AHI1: variants seen among roughly 807,000 people sequenced by gnomAD.
The protein encoded by AHI1 is jouberin.
Under a neutral mutation model 149.3 loss-of-function variants are expected in AHI1, and 123 were observed. The ratio of observed to expected loss-of-function variants is 0.82; its 90% CI spans 0.71 to 0.96. AHI1 has a LOEUF of 0.96. Among genes scored for constraint, AHI1 ranks in the 40% least tolerant of loss-of-function variants. The pLI is 0.00. For synonymous variants in AHI1, 475 were observed against 459.8 expected, an observed-to-expected ratio of 1.03 and a Z score of -0.42; for missense variants, 1,439 against 1,422.7, an observed-to-expected ratio of 1.01 and a Z score of -0.18.
chr6:135,383,224 C>T (rs1279388439), intron 23 of AHI1, among the ~76,000 whole-genome samples: 44 of 60,732 alleles, frequency 7.2e-4, no homozygotes, highest in Admixed American at 2.9e-3. Context: ...CTTCCCCCCT[C>T]CCTTTTTTTT....
intron 24 of AHI1, among the ~76,000 whole-genome samples, chr6:135,331,123 C>G (rs546140849): frequency 6.6e-6 from 1 of 152,052 alleles, no homozygotes; most frequent in African/African-American, 2.4e-5. Context: ...TTTCTTGCAC[C>G]CTGTGGTTTG....
At chr6:135,429,513 A>ATACTAATC (rs749833911) in intron 18 of AHI1, among the ~76,000 whole-genome samples, 1 of 151,780 alleles carries the variant, frequency 6.6e-6, no homozygotes, top group Non-Finnish European at 1.5e-5. Flanking sequence ...CTAATGCTGT[A>ATACTAATC]ACAGTATCAT....
At chr6:135,467,529 T>A in intron 6 of AHI1, 52 bp downstream of exon 6, 2 of 1,453,304 alleles carry the variant, frequency 1.4e-6, no homozygotes, top group Non-Finnish European at 9.7e-7. Context: ...CTCAATTTGT[T>A]TTTAGTGACT....
At chr6:135,472,181 T>G (rs1368438494) in intron 5 of AHI1, among the ~76,000 whole-genome samples, 2 of 152,142 alleles carry the variant, frequency 1.3e-5, no homozygotes, top group African/African-American at 4.8e-5. Context: ...CATGTCCTGT[T>G]ACACAGTCAA....
rs560424370 is a variant in AHI1 at position 135,465,981 on chromosome 6, G to C, written c.582C>G (p.Cys194Trp). 6.8e-6 allele frequency: 11 copies of C among 1,613,624 alleles called. No homozygotes were observed. Among genetic ancestry groups the C allele is most frequent in the Non-Finnish European group, 9.3e-6 (11 of 1,179,780 alleles). ...EDEELMQAYQ[C>W]HVTEEMAKEI... ...CCTTTGCCATTTCTTCAGTTACATGGCACTGATATGCTTGCATCAATTCTT... is the reference window on the plus strand; with the variant it reads ...CCTTTGCCATTTCTTCAGTTACATGCCACTGATATGCTTGCATCAATTCTT... Residue 194 changes from cysteine to tryptophan, a missense_variant, in exon 7 of 29, where the codon TGC becomes TGG. By Grantham distance (215) the Cys-to-Trp change is radical. Transcript: ENST00000265602.
At chr6:135,431,999 CTT>C (rs199839132) in intron 16 of AHI1, among the ~76,000 whole-genome samples, 103,720 of 132,950 alleles carry the variant, frequency 0.78, 41,574 homozygotes, top group South Asian at 0.89. Context: ...GACCAATTTC[CTT>C]TTTTTTTTTT....
intron 27 of AHI1, among the ~76,000 whole-genome samples, chr6:135,293,750 G>T (rs9494213): frequency 0.057 from 8,609 of 152,204 alleles, 443 homozygotes; most frequent in African/African-American, 0.13. Context: ...TAAATGCAAA[G>T]ATATATCATG....
Position 135,427,264 on chromosome 6 carries a change from G to A in AHI1, c.2667C>T (p.Pro889=), listed in dbSNP as rs1444747096. 1.2e-6 allele frequency: 2 copies of A among 1,610,218 alleles called. No homozygotes were observed. The highest frequency in any genetic ancestry group is 1.7e-6 in the Non-Finnish European group (2 of 1,177,528). The part of the protein sequence containing the change: ...AMYSDLPFKS[P]IRDISYHPFE... ...ATGGATGATAAGAAATGTCTCGAAT[G>A]GGTGACTTGAATGGCAAGTCAGAAT... The change falls in exon 20 of 29, where the codon CCC becomes CCT. Residue 889 remains proline (P), a synonymous_variant. Coordinates refer to ENST00000265602, the MANE Select transcript of AHI1 (RefSeq NM_001134831.2).
intron 20 of AHI1, among the ~76,000 whole-genome samples, chr6:135,425,212 T>A (rs1037073522): frequency 1.3e-5 from 2 of 151,972 alleles, no homozygotes; most frequent in African/African-American, 4.8e-5. Flanking sequence ...ATAATTTAAA[T>A]TTAATGTGTC....
At chr6:135,399,423 T>C (rs576650103) in intron 22 of AHI1, among the ~76,000 whole-genome samples, 1 of 152,254 alleles carries the variant, frequency 6.6e-6, no homozygotes, top group Non-Finnish European at 1.5e-5. Flanking sequence ...GTCTCCATGA[T>C]AAAACTAAAT....
In AHI1 at chr6:135,497,239, A is replaced by T. The variant is rs1796093304; in HGVS notation, c.-191T>A. 1 of 152,372 alleles carries T rather than the reference A, an allele frequency of 6.6e-6. No homozygotes were observed. Among genetic ancestry groups the T allele is most frequent in the Middle Eastern group, 3.4e-3 (1 of 294 alleles). The allele number at this position is 152,372 out of a possible 1,614,324, so 9.4% of individuals were successfully genotyped here. The stretch of plus-strand genomic sequence containing the variant: ...TTTGACAGGTTGAAGATTCAGCCCC[A>T]GGTTGACACTCTAAAAGGAAATAAA... On this transcript the variant is annotated 5_prime_UTR_variant, in exon 2 of 29. Transcript: ENST00000265602.
At chr6:135,486,088 T>C (rs535983081) in intron 5 of AHI1, among the ~76,000 whole-genome samples, 1 of 152,350 alleles carries the variant, frequency 6.6e-6, no homozygotes, top group East Asian at 1.9e-4. Flanking sequence ...GCAACAAATA[T>C]GGACAAATAC....
chr6:135,379,925 C>T (rs533414157), intron 23 of AHI1, among the ~76,000 whole-genome samples: 3 of 137,542 alleles, frequency 2.2e-5, no homozygotes, highest in South Asian at 5.4e-4. Flanking sequence ...TCCTTCCTCC[C>T]TCCCTCCCCC....
At chr6:135,294,541 C>A (rs934302134) in intron 27 of AHI1, among the ~76,000 whole-genome samples, 1 of 149,824 alleles carries the variant, frequency 6.7e-6, no homozygotes, top group Non-Finnish European at 1.5e-5. Context: ...ACCCTCCCCC[C>A]AAAAAAAACC....
chr6:135,435,704 G>A (rs1785295594), intron 15 of AHI1, among the ~76,000 whole-genome samples: 1 of 152,148 alleles, frequency 6.6e-6, no homozygotes, highest in Non-Finnish European at 1.5e-5. Flanking sequence ...ATGAAAGATA[G>A]TTATGGAAAG....
intron 24 of AHI1, among the ~76,000 whole-genome samples, chr6:135,351,561 C>T (rs936243457): frequency 6.6e-6 from 1 of 152,186 alleles, no homozygotes; most frequent in South Asian, 2.1e-4. Flanking sequence ...TTCTTTACTT[C>T]TAACATTGCT....
At chr6:135,413,573 G>T (rs562667306) in intron 20 of AHI1, among the ~76,000 whole-genome samples, 1 of 152,058 alleles carries the variant, frequency 6.6e-6, no homozygotes, top group Non-Finnish European at 1.5e-5. Context: ...ATTTAAGGAG[G>T]TTCTCACTCT....
intron 5 of AHI1, among the ~76,000 whole-genome samples, chr6:135,484,219 T>G (rs1794148021): frequency 6.6e-6 from 1 of 152,132 alleles, no homozygotes; most frequent in African/African-American, 2.4e-5. Flanking sequence ...TCCCATTGAG[T>G]TCCTCCCATG....
intron 11 of AHI1, 66 bp from the exon 12 acceptor site, chr6:135,448,541 G>C (rs1176190885): frequency 8.3e-7 from 1 of 1,210,230 alleles, no homozygotes; most frequent in African/African-American, 1.5e-5. Context: ...TAAAGCAATA[G>C]CATAAAGTCA....
Sources: allele counts gnomAD v4.1 joint callset (sites outside exome capture counted in the v4.1 genomes callset), GRCh38; gene constraint gnomAD v4.1.1; transcripts MANE v1.5; gene names NCBI Gene and HGNC (gene_info 2026-07-23, HGNC 2026-07-21).